The following WWOX variants were observed in gnomAD, a reference collection of about 807,000 sequenced individuals.
WWOX encodes WW domain-containing oxidoreductase.
In WWOX, 69 loss-of-function variants were observed where a neutral mutation model predicts 46.2. The observed-to-expected ratio is 1.49, with a 90% confidence interval of 1.23 to 1.82. WWOX has a LOEUF of 1.82. Among genes scored for constraint, WWOX ranks in the 40% most tolerant of loss-of-function variants. WWOX has a pLI of 0.00. For synonymous variants in WWOX, 359 were observed against 202.6 expected, an observed-to-expected ratio of 1.77 and a Z score of -6.56; for missense variants, 919 against 542.6, an observed-to-expected ratio of 1.69 and a Z score of -6.89.
At position 78,321,382 on chromosome 16, in the gene WWOX, G is replaced by A. The variant is rs1326675192; in HGVS notation, c.517-65478G>A. 3.6e-4 allele frequency among the ~76,000 whole-genome samples: 29 copies of A among 79,622 alleles called. 1 individual carries two copies. The highest frequency in any genetic ancestry group is 1.7e-3 in the African/African-American group (25 of 14,616). The allele number at this position is 79,622 out of a possible 152,430, so 52.2% of individuals were successfully genotyped here. On this transcript the variant is annotated intron_variant, in intron 5 of 8. Coordinates refer to ENST00000566780, the MANE Select transcript of WWOX (RefSeq NM_016373.4). ...TGCGTATATATATACGTATATATGC[G>A]TATATATATACGTATATATACGTAT...
At chr16:79,103,661 C>G (rs2049248285) in intron 8 of WWOX, among the ~76,000 whole-genome samples, 1 of 152,126 alleles carries the variant, frequency 6.6e-6, no homozygotes, top group Non-Finnish European at 1.5e-5. Context: ...TTAAAATGAC[C>G]TATCCAGTCC....
intron 8 of WWOX, among the ~76,000 whole-genome samples, chr16:78,835,766 A>G (rs557831712): frequency 6.6e-6 from 1 of 152,338 alleles, no homozygotes; most frequent in East Asian, 1.9e-4. Context: ...AACAACAAAA[A>G]ATGTATTGCC....
At position 78,585,281 on chromosome 16, in the gene WWOX, C is replaced by G. The variant is rs544886498; in HGVS notation, c.1056+152529C>G. On this transcript the variant is annotated intron_variant, in intron 8 of 8. Coordinates refer to ENST00000566780, the MANE Select transcript of WWOX (RefSeq NM_016373.4). ...ATTTAGGGCCAAGAGAAGACCAGGC[C>G]TTGGCAGCAGTTCTCCCTGAGGTAG... Among the ~76,000 whole-genome samples the G allele has an allele frequency of 5.3e-5, 8 of 152,302 alleles. No individual in the cohort carries two copies. The South Asian group carries it at 1.7e-3, about 32-fold the overall frequency.
chr16:78,843,848 G>C (rs1434774986), intron 8 of WWOX, among the ~76,000 whole-genome samples: 1 of 152,086 alleles, frequency 6.6e-6, no homozygotes, highest in Non-Finnish European at 1.5e-5. Context: ...TTAGAGGTTG[G>C]CTCATATTTT....
Position 78,892,244 on chromosome 16 carries a change from C to G in WWOX, c.1057-319364C>G, listed in dbSNP as rs1470782306. The G allele has an allele frequency of 6.6e-5, 10 of 152,274 alleles. No individual in the cohort carries two copies. The East Asian group carries it at 9.7e-4, about 15-fold the overall frequency. 9.4% of individuals were successfully genotyped at this position (152,274 alleles called of 1,614,324 possible). Reference sequence around the variant, plus strand: ...AGTCAACCATTAGCAACCCTAGCTCCTCTTTAATCTCAAGAGGCAAGAGGT... The same window carrying G: ...AGTCAACCATTAGCAACCCTAGCTCGTCTTTAATCTCAAGAGGCAAGAGGT... On this transcript the variant is annotated intron_variant, in intron 8 of 8. Transcript: ENST00000566780.
chr16:78,643,460 C>G (rs1221523701), intron 8 of WWOX, among the ~76,000 whole-genome samples: 1 of 152,086 alleles, frequency 6.6e-6, no homozygotes, highest in Non-Finnish European at 1.5e-5. Flanking sequence ...GGTGTGCTAC[C>G]AAGTCACCCA....
intron 8 of WWOX, among the ~76,000 whole-genome samples, chr16:79,142,878 T>TA (rs1223215785): frequency 6.6e-6 from 1 of 151,890 alleles, no homozygotes; most frequent in Non-Finnish European, 1.5e-5. Context: ...TTTATATATA[T>TA]TTTTTTACAG....
intron 8 of WWOX, among the ~76,000 whole-genome samples, chr16:78,471,498 C>G (rs183941871): frequency 1.1e-3 from 161 of 152,290 alleles, no homozygotes; most frequent in African/African-American, 3.8e-3. Flanking sequence ...ATCTTTTTCA[C>G]CAGCACCTTT....
chr16:78,751,461 T>TTATATATATATATATATATATA (rs71140824), intron 8 of WWOX, among the ~76,000 whole-genome samples: 44 of 128,402 alleles, frequency 3.4e-4, no homozygotes, highest in South Asian at 7.7e-4. Context: ...TTATCAGATT[T>TTATATATATATATATATATATA]TATATATATA....
At chr16:78,827,137 A>G (rs1232235103) in intron 8 of WWOX, among the ~76,000 whole-genome samples, 1 of 152,108 alleles carries the variant, frequency 6.6e-6, no homozygotes, top group Non-Finnish European at 1.5e-5. Context: ...TGTGGGGGCT[A>G]AATCAAATTT....
At chr16:78,326,576 C>CA (rs2080624722) in intron 5 of WWOX, among the ~76,000 whole-genome samples, 1 of 46,388 alleles carries the variant, frequency 2.2e-5, no homozygotes, top group Non-Finnish European at 3.9e-5. Flanking sequence ...GCCCTCCCCC[C>CA]GCCCCCCCCC....
At chr16:78,527,934 G>C (rs1242448237) in intron 8 of WWOX, among the ~76,000 whole-genome samples, 1 of 150,284 alleles carries the variant, frequency 6.7e-6, no homozygotes, top group African/African-American at 2.5e-5. Context: ...AGGTTGGGAA[G>C]CTCTGTGCCA....
At chr16:78,423,726 G>C (rs2083006938) in intron 6 of WWOX, among the ~76,000 whole-genome samples, 1 of 151,756 alleles carries the variant, frequency 6.6e-6, no homozygotes, top group Non-Finnish European at 1.5e-5. Context: ...TGCCCCTGTA[G>C]TCCCAGTTAC....
chr16:78,972,680 C>T (rs1056523879), intron 8 of WWOX, among the ~76,000 whole-genome samples: 3 of 152,188 alleles, frequency 2.0e-5, no homozygotes, highest in Non-Finnish European at 4.4e-5. Context: ...TTTTCTTTCC[C>T]TTCCAGCTCA....
At chr16:78,450,149 A>G (rs1027778801) in intron 8 of WWOX, among the ~76,000 whole-genome samples, 14 of 152,326 alleles carry the variant, frequency 9.2e-5, no homozygotes, top group African/African-American at 2.9e-4. Context: ...ATAATAAAGT[A>G]TCTAATTTAG....
chr16:79,114,640 A>G (rs2049478287), intron 8 of WWOX, among the ~76,000 whole-genome samples: 1 of 152,118 alleles, frequency 6.6e-6, no homozygotes, highest in Admixed American at 6.5e-5. Context: ...GAGTTCCTGA[A>G]TAAAGAGAGA....
intron 8 of WWOX, among the ~76,000 whole-genome samples, chr16:79,120,925 T>C (rs1305715607): frequency 2.0e-5 from 3 of 152,150 alleles, no homozygotes; most frequent in African/African-American, 7.2e-5. Flanking sequence ...TGCGCCACCA[T>C]GCCCGGTCAA....
At chr16:79,053,021 G>C (rs951808729) in intron 8 of WWOX, among the ~76,000 whole-genome samples, 1 of 152,028 alleles carries the variant, frequency 6.6e-6, no homozygotes, top group African/African-American at 2.4e-5. Context: ...AAGCAGGTGG[G>C]AACAGGGTTA....
chr16:79,200,203 G>T (rs940137427), intron 8 of WWOX, among the ~76,000 whole-genome samples: 1 of 152,122 alleles, frequency 6.6e-6, no homozygotes, highest in Admixed American at 6.6e-5. Flanking sequence ...GGGAAGCCAG[G>T]GTTTTAGGCA....
Sources: gnomAD v4.1 joint callset for allele counts (sites outside exome capture counted in the v4.1 genomes callset) on GRCh38, gnomAD v4.1.1 for gene constraint, MANE v1.5 for transcripts, NCBI Gene and HGNC (gene_info 2026-07-23, HGNC 2026-07-21) for gene names.